Variants in TOP3A observed in about 807,000 individuals in gnomAD.
TOP3A encodes DNA topoisomerase 3-alpha.
TOP3A carries 64 observed loss-of-function variants against 111.3 expected under a neutral mutation model. The observed-to-expected ratio is 0.57, with a 90% CI of 0.47 to 0.71. The LOEUF (loss-of-function observed/expected upper bound fraction) is 0.71, where lower values mean the gene tolerates loss of function less well. TOP3A is among the 30% of genes least tolerant of loss of function. The pLI, the probability that TOP3A is intolerant of heterozygous loss-of-function variation, is 0.00. For synonymous variants in TOP3A, 484 were observed against 485.1 expected, an observed-to-expected ratio of 1.00 and a Z score of 0.03; for missense variants, 1,104 against 1,285.0, an observed-to-expected ratio of 0.86 and a Z score of 2.15.
In TOP3A at chr17:18,314,692, G is replaced by A. The variant is rs750319422; in HGVS notation, c.87C>T (p.Ala29=). ...AGAGGACTTTCCGCACGCCTCGGAG[G>A]GCCATCTCCATGGCGGCGCGGGAAA... ...RAFSRAAMEM[A]LRGVRKVLCV... is the part of the protein sequence containing the mutation. Residue 29 remains alanine (A), a synonymous_variant, in exon 1 of 19, where the codon GCC becomes GCT. Coordinates refer to ENST00000321105, the MANE Select transcript of TOP3A (RefSeq NM_004618.5). The A allele has an allele frequency of 1.2e-6, 2 of 1,612,142 alleles. No individual in the cohort carries two copies. Among genetic ancestry groups the A allele is most frequent in the South Asian group, 2.2e-5 (2 of 90,762 alleles).
At chr17:18,298,089 G>A (rs1404284337) in intron 9 of TOP3A, among the ~76,000 whole-genome samples, 1 of 151,884 alleles carries the variant, frequency 6.6e-6, no homozygotes, top group African/African-American at 2.4e-5. Context: ...CGTCTGGGAT[G>A]TGAGGAGCGT....
At chr17:18,308,976 C>T (rs561950141) in intron 1 of TOP3A, 35 bp from the exon 2 acceptor site, 7 of 1,198,706 alleles carry the variant, frequency 5.8e-6, no homozygotes, top group African/African-American at 1.6e-5. Context: ...ATATAAATTA[C>T]GTTTAAAACA....
intron 1 of TOP3A, among the ~76,000 whole-genome samples, chr17:18,310,300 C>A (rs1981833742): frequency 6.6e-6 from 1 of 151,974 alleles, no homozygotes. Flanking sequence ...GTGGTGGGTG[C>A]CTGTAATCCC....
Position 18,290,972 on chromosome 17 carries a change from G to A in TOP3A, c.1337C>T (p.Ser446Phe). ...FIVRHFLACC[S>F]QDAQGQETTV... ...GGTCTCCTGCCCCTGAGCATCCTGG[G>A]AGCAGCAAGCCAGGAAATGGCGAAC... is the stretch of plus-strand genomic sequence containing the variant. Residue 446 changes from serine (S) to phenylalanine (F), a missense_variant, in exon 12 of 19, where the codon TCC becomes TTC. Physicochemically the swap from Ser to Phe is radical, Grantham distance 155. Transcript: ENST00000321105. The A allele has an allele frequency of 6.2e-7, 1 of 1,614,208 alleles. No individual in the cohort carries two copies. Among genetic ancestry groups the A allele is most frequent in the South Asian group, 1.1e-5 (1 of 91,084 alleles).
At position 18,285,109 on chromosome 17, in the gene TOP3A, T is replaced by C. The variant is rs139977644; in HGVS notation, c.1877+33A>G. The C allele has an allele frequency of 5.5e-5, 88 of 1,606,606 alleles. No individual in the cohort carries two copies. In the African/African-American group the frequency reaches 9.9e-4, roughly 18 times the overall value. On this transcript the variant is annotated intron_variant, in intron 15 of 18. Coordinates refer to ENST00000321105, the MANE Select transcript of TOP3A (RefSeq NM_004618.5). ...TTCAAGACCAGCCTGGGCAACATAG[T>C]GAGACCCCTCTGTATTTCTTTTAAG...
Position 18,278,193 on chromosome 17 carries a change from T to C in TOP3A, c.2309A>G (p.Gln770Arg). 3.7e-6 allele frequency: 6 copies of C among 1,608,666 alleles called. No homozygotes were observed. Among genetic ancestry groups the C allele is most frequent in the Non-Finnish European group, 5.1e-6 (6 of 1,175,582 alleles). ...GCTGTTGTCCATCCTGTTCAGGGAC[T>C]GGTTAGCCTGCAGGCGGCCAGAGGG... Reference protein sequence around the residue: ...SQPSGRLQANQSLNRMDNSQH... With the variant: ...SQPSGRLQANRSLNRMDNSQH... The change falls in exon 18 of 19, where the codon CAG becomes CGG. Residue 770 changes from glutamine (Q) to arginine (R), a missense_variant. Transcript: ENST00000321105.
chr17:18,285,026 C>T lies in TOP3A; in HGVS notation c.1877+116G>A, dbSNP rs185370928. 50 of 1,252,818 alleles carry T rather than the reference C, an allele frequency of 4.0e-5. No homozygotes were observed. In the East Asian group the frequency reaches 9.2e-4, roughly 23 times the overall value. 77.6% of individuals were successfully genotyped at this position (1,252,818 alleles called of 1,614,324 possible). On this transcript the variant is annotated intron_variant, in intron 15 of 18. Transcript: ENST00000321105. The stretch of plus-strand genomic sequence containing the variant: ...TGACTGGCCCAGATGCGGTGGCTCA[C>T]GCCTGTAATCCCCACACTTTGGGAG...
At chr17:18,309,580 G>A (rs530794030) in intron 1 of TOP3A, among the ~76,000 whole-genome samples, 61 of 152,074 alleles carry the variant, frequency 4.0e-4, no homozygotes, top group African/African-American at 1.4e-3. Context: ...GGAGGTGGAC[G>A]TTGCAGTGAG....
intron 1 of TOP3A, among the ~76,000 whole-genome samples, chr17:18,311,596 A>G (rs1248218983): frequency 6.6e-6 from 1 of 152,206 alleles, no homozygotes; most frequent in African/African-American, 2.4e-5. Flanking sequence ...GCTCAGCCCA[A>G]GTATTAATAT....
chr17:18,275,845 CG>C (rs1300585238), intron 18 of TOP3A, among the ~76,000 whole-genome samples: 34 of 142,432 alleles, frequency 2.4e-4, no homozygotes, highest in African/African-American at 8.4e-4. Flanking sequence ...TTAGTAGAGA[CG>C]GGGTTTCACT....
intron 15 of TOP3A, among the ~76,000 whole-genome samples, chr17:18,283,387 CTG>C (rs748955943): frequency 6.6e-6 from 1 of 151,926 alleles, no homozygotes; most frequent in Non-Finnish European, 1.5e-5. Context: ...AAAAGTAAAA[CTG>C]CACAGGGTCC....
chr17:18,291,568 A>T (rs114468880), intron 11 of TOP3A, among the ~76,000 whole-genome samples: 2 of 152,262 alleles, frequency 1.3e-5, no homozygotes, highest in East Asian at 3.8e-4. Context: ...TATGTCTACA[A>T]ATGTTAACTA....
chr17:18,298,586 A>T (rs1434855535), intron 9 of TOP3A, among the ~76,000 whole-genome samples: 1 of 151,636 alleles, frequency 6.6e-6, no homozygotes, highest in East Asian at 1.9e-4. Flanking sequence ...GGCCATGATG[A>T]CAATGGAGGT....
chr17:18,294,054 G>A (rs1053940685), intron 10 of TOP3A, among the ~76,000 whole-genome samples: 4 of 152,208 alleles, frequency 2.6e-5, no homozygotes, highest in African/African-American at 9.6e-5. Flanking sequence ...AGCACAGTTA[G>A]AGGACCTCAG....
At chr17:18,292,593 C>A in intron 11 of TOP3A, 52 bp downstream of exon 11, 1 of 1,446,060 alleles carries the variant, frequency 6.9e-7, no homozygotes, top group Non-Finnish European at 9.3e-7. Flanking sequence ...TACTACTGAC[C>A]CCCAGCACTT....
In TOP3A at chr17:18,294,726, A is replaced by T. The variant is rs1446040708; in HGVS notation, c.1050T>A (p.Ile350=). ...ACCCTTGAGTGTAGAGCTTCTCAGC[A>T]ATCCTCATGGTTTCTTTAGCATTTA... The part of the protein sequence containing the change: ...LRINAKETMR[I]AEKLYTQGYI... The change falls in exon 10 of 19, where the codon ATT becomes ATA. Residue 350 remains isoleucine (I), a synonymous_variant. Coordinates refer to ENST00000321105, the MANE Select transcript of TOP3A (RefSeq NM_004618.5). 1 of 1,613,132 alleles carries T rather than the reference A, an allele frequency of 6.2e-7. No individual in the cohort carries two copies. Among genetic ancestry groups the T allele is most frequent in the Non-Finnish European group, 8.5e-7 (1 of 1,179,554 alleles).
chr17:18,303,924 G>A (rs531269598), intron 5 of TOP3A, among the ~76,000 whole-genome samples: 137 of 152,268 alleles, frequency 9.0e-4, no homozygotes, highest in Middle Eastern at 6.8e-3. Context: ...CAGGTGTGGA[G>A]GGGCAGGCCC....
rs1206668985 is a variant in TOP3A at position 18,273,834 on chromosome 17, G to C, written c.*968C>G. On this transcript the variant is annotated 3_prime_UTR_variant, in exon 19 of 19. Coordinates refer to ENST00000321105, the MANE Select transcript of TOP3A (RefSeq NM_004618.5). ...AGACAAGGTCTAACTATGTTGCCCA[G>C]GCTGGTCTTGAACTCCTGATCTCAA... 2 of 152,232 alleles carry C rather than the reference G, an allele frequency of 1.3e-5. No individual in the cohort carries two copies. The highest frequency in any genetic ancestry group is 4.8e-5 in the African/African-American group (2 of 41,442). The allele number at this position is 152,232 out of a possible 1,614,324, so 9.4% of individuals were successfully genotyped here. A position where few individuals can be genotyped will look rare whatever the true frequency, so the allele number is the denominator to read the frequency against.
At chr17:18,299,813 C>T (rs1981111677) in intron 8 of TOP3A, among the ~76,000 whole-genome samples, 180 bp from the exon 9 acceptor site, 1 of 152,168 alleles carries the variant, frequency 6.6e-6, no homozygotes, top group Non-Finnish European at 1.5e-5. Context: ...TGGTAGACAC[C>T]ATCACTACTT....
Sources: gnomAD v4.1 joint callset for allele counts (sites outside exome capture counted in the v4.1 genomes callset) on GRCh38, gnomAD v4.1.1 for gene constraint, MANE v1.5 for transcripts, NCBI Gene and HGNC (gene_info 2026-07-23, HGNC 2026-07-21) for gene names.